The following CPOX variants were observed in gnomAD, a reference collection of about 807,000 sequenced individuals.
The protein encoded by CPOX is coproporphyrinogen oxidase.
CPOX carries 24 observed loss-of-function variants against 48.9 expected under a neutral mutation model. The ratio of observed to expected loss-of-function variants is 0.49; its 90% confidence interval spans 0.36 to 0.69. The LOEUF (loss-of-function observed/expected upper bound fraction) is 0.69, where lower values mean the gene tolerates loss of function less well. Among genes scored for constraint, CPOX ranks in the 30% least tolerant of loss-of-function variants. CPOX has a pLI of 0.00. For synonymous variants in CPOX, 249 were observed against 234.6 expected (o/e 1.06, Z -0.56); for missense variants, 549 against 597.3 (o/e 0.92, Z 0.84).
downstream of CPOX, among the ~76,000 whole-genome samples, chr3:98,576,551 A>C (rs1707165200): frequency 1.3e-5 from 2 of 152,206 alleles, no homozygotes; most frequent in Non-Finnish European, 2.9e-5. Flanking sequence ...AGGTAACAAT[A>C]CAAGGGAATT....
At position 98,588,738 on chromosome 3, in the gene CPOX, C is replaced by CTGGA. The variant is rs1385418762; in HGVS notation, c.924_927dup (p.Asp310SerfsTer8). The CTGGA allele has an allele frequency of 1.2e-6, 2 of 1,614,146 alleles. No homozygotes were observed. Among genetic ancestry groups the CTGGA allele is most frequent in the Non-Finnish European group, 1.7e-6 (2 of 1,180,020 alleles). Reference sequence around the variant, plus strand: ...CATTTTTTAAATTTGGGGTAGAGATCTGGACCATGCTGGTCACAAGCCTCC... The same window carrying CTGGA: ...CATTTTTTAAATTTGGGGTAGAGATCTGGATGGACCATGCTGGTCACAAGCCTCC... On this transcript the variant is annotated frameshift_variant, in exon 4 of 7. Coordinates refer to ENST00000647941, the MANE Select transcript of CPOX (RefSeq NM_000097.7). LOFTEE classifies it high-confidence loss of function.
rs1707223658 is a variant in CPOX, at chr3:98,580,045, T to C, written c.*638A>G. ...AACTTAGACATCTCTAAAATAATAG[T>C]AATGTCACTTTAGAGTTTACAAACT... On this transcript the variant is annotated 3_prime_UTR_variant, in exon 7 of 7. Transcript: ENST00000647941. 12 of 982,460 alleles carry C rather than the reference T, an allele frequency of 1.2e-5. No homozygotes were observed. Among genetic ancestry groups the C allele is most frequent in the Non-Finnish European group, 1.5e-5 (12 of 826,952 alleles). 60.9% of individuals were successfully genotyped at this position (982,460 alleles called of 1,614,324 possible).
At position 98,580,555 on chromosome 3, in the gene CPOX, G is replaced by A. The variant is rs1019106858; in HGVS notation, c.*128C>T. Reference sequence around the variant, plus strand: ...CCAAAACATGTTATCATCTGCCCACGAGGTAGGGTGCAGAGTGGAGAAGAC... The same window carrying A: ...CCAAAACATGTTATCATCTGCCCACAAGGTAGGGTGCAGAGTGGAGAAGAC... On this transcript the variant is annotated 3_prime_UTR_variant, in exon 7 of 7. Coordinates refer to ENST00000647941, the MANE Select transcript of CPOX (RefSeq NM_000097.7). The A allele has an allele frequency of 1.2e-5, 18 of 1,537,052 alleles. No homozygotes were observed. Among genetic ancestry groups the A allele is most frequent in the Admixed American group, 4.0e-5 (2 of 49,856 alleles).
intron 6 of CPOX, among the ~76,000 whole-genome samples, 175 bp downstream of exon 6, chr3:98,581,232 C>A (rs1394800024): frequency 1.3e-5 from 2 of 152,176 alleles, no homozygotes; most frequent in South Asian, 4.1e-4. Context: ...ACCATGTCAC[C>A]GCTTAAAATA....
intron 3 of CPOX, among the ~76,000 whole-genome samples, chr3:98,589,091 A>C (rs891384621): frequency 4.6e-5 from 7 of 152,202 alleles, no homozygotes; most frequent in African/African-American, 1.7e-4. Context: ...AGGCCCAGGC[A>C]GGCAGATCGC....
At position 98,580,585 on chromosome 3, in the gene CPOX, G is replaced by A; in HGVS notation, c.*98C>T. On this transcript the variant is annotated 3_prime_UTR_variant, in exon 7 of 7. Transcript: ENST00000647941. ...AGGGTGCAGAGTGGAGAAGACTAAG[G>A]CACGGGTAACTGCCACACAGTGGCA... The A allele has an allele frequency of 6.3e-7, 1 of 1,590,816 alleles. No individual in the cohort carries two copies. The highest frequency in any genetic ancestry group is 8.6e-7 in the Non-Finnish European group (1 of 1,168,348).
chr3:98,585,066 C>T (rs1250582181), intron 5 of CPOX, among the ~76,000 whole-genome samples: 14 of 151,988 alleles, frequency 9.2e-5, no homozygotes, highest in Admixed American at 8.5e-4. Flanking sequence ...AAATAACTTC[C>T]GTGAAATCTT....
chr3:98,574,483 A>C (rs1707131749), downstream of CPOX, among the ~76,000 whole-genome samples: 1 of 152,246 alleles, frequency 6.6e-6, no homozygotes, highest in African/African-American at 2.4e-5. Context: ...GGAATACATT[A>C]TTTTTAAGCA....
At chr3:98,576,793 A>T (rs1165363408), downstream of CPOX, among the ~76,000 whole-genome samples, 1 of 152,162 alleles carries the variant, frequency 6.6e-6, no homozygotes, top group Non-Finnish European at 1.5e-5. Context: ...ACAGACTAGG[A>T]ATAAGACAGT....
rs763187984 is a variant in CPOX at position 98,590,696 on chromosome 3, G to C, written c.747C>G (p.Pro249=). Residue 249 remains proline, a synonymous_variant, in exon 3 of 7, where the codon CCC becomes CCG. Coordinates refer to ENST00000647941, the MANE Select transcript of CPOX (RefSeq NM_000097.7). ...CAMGVSSVIH[P]KNPHAPTIHF... ...GGATAGTAGGAGCATGAGGATTCTT[G>C]GGGTGGATAACAGAGCTCACGCCCA... 3.7e-5 allele frequency: 59 copies of C among 1,614,048 alleles called. No individual in the cohort carries two copies. In the South Asian group the frequency reaches 6.4e-4, roughly 17 times the overall value.
At chr3:98,576,098 G>C (rs927352701), downstream of CPOX, among the ~76,000 whole-genome samples, 9 of 69,120 alleles carry the variant, frequency 1.3e-4, no homozygotes, top group Admixed American at 5.7e-4. Context: ...AAAAAAAAAA[G>C]CAACTTGTAG....
intron 3 of CPOX, among the ~76,000 whole-genome samples, chr3:98,589,946 A>C (rs1707446010): frequency 6.6e-6 from 1 of 152,262 alleles, no homozygotes; most frequent in Admixed American, 6.5e-5. Context: ...CCTGGTGACT[A>C]GCAAAGCTAT....
chr3:98,579,141 A>G (rs991040262), downstream of CPOX, among the ~76,000 whole-genome samples: 8 of 152,264 alleles, frequency 5.3e-5, no homozygotes, highest in African/African-American at 1.9e-4. Flanking sequence ...AATGAATAGC[A>G]AATATATCTT....
intron 4 of CPOX, among the ~76,000 whole-genome samples, chr3:98,587,839 A>C (rs1374732754): frequency 1.3e-5 from 2 of 152,156 alleles, no homozygotes; most frequent in Non-Finnish European, 2.9e-5. Context: ...AATAGCTAGA[A>C]AAAGGAACCA....
intron 3 of CPOX, 128 bp downstream of exon 3, chr3:98,590,504 C>T: frequency 1.3e-6 from 1 of 745,638 alleles, no homozygotes; most frequent in Non-Finnish European, 2.4e-6. Context: ...AAGAAATTGC[C>T]TTTACATTGC....
intron 6 of CPOX, among the ~76,000 whole-genome samples, 179 bp from the exon 7 acceptor site, chr3:98,580,949 C>T (rs775088058): frequency 6.6e-6 from 1 of 151,918 alleles, no homozygotes; most frequent in Non-Finnish European, 1.5e-5. Context: ...AACTATTTGC[C>T]AAACAAATAG....
downstream of CPOX, among the ~76,000 whole-genome samples, chr3:98,575,637 T>A (rs998421458): frequency 1.4e-5 from 2 of 144,700 alleles, no homozygotes; most frequent in African/African-American, 5.2e-5. Flanking sequence ...ACTAAAAAAA[T>A]ACAAAAAATT....
downstream of CPOX, chr3:98,578,223 T>C (rs1559672323): frequency 3.1e-6 from 3 of 958,642 alleles, no homozygotes; most frequent in Non-Finnish European, 3.7e-6. Flanking sequence ...ATGCAATTCT[T>C]TTCAGACATA....
chr3:98,579,013 T>G (rs889580846), downstream of CPOX, among the ~76,000 whole-genome samples: 1 of 152,208 alleles, frequency 6.6e-6, no homozygotes, highest in African/African-American at 2.4e-5. Flanking sequence ...GCAGATTTTC[T>G]TCCACCTCTG....
Sources: allele counts gnomAD v4.1 joint callset (sites outside exome capture counted in the v4.1 genomes callset), GRCh38; gene constraint gnomAD v4.1.1; transcripts MANE v1.5; gene names NCBI Gene and HGNC (gene_info 2026-07-23, HGNC 2026-07-21).